The following MRPS28 variants were observed in gnomAD, a reference collection of about 807,000 sequenced individuals.
The protein encoded by MRPS28 is small ribosomal subunit protein bS1m.
A neutral mutation model predicts 10.8 loss-of-function variants in MRPS28; 7 were observed. The observed-to-expected ratio is 0.65, with a 90% CI of 0.37 to 1.22. MRPS28 has a LOEUF of 1.22. Ranked by LOEUF, MRPS28 falls within the 50% of genes most tolerant of loss-of-function variation. The probability of loss-of-function intolerance (pLI) is 0.02; values close to 1 mark genes in which losing one functional copy is unlikely to be tolerated. For synonymous variants in MRPS28, 121 were observed against 93.3 expected, an observed-to-expected ratio of 1.30 and a Z score of -1.71; for missense variants, 265 against 232.9, an observed-to-expected ratio of 1.14 and a Z score of -0.90.
chr8:79,968,281 G>A (rs1807548869), intron 2 of MRPS28, among the ~76,000 whole-genome samples: 1 of 151,982 alleles, frequency 6.6e-6, no homozygotes, highest in African/African-American at 2.4e-5. Flanking sequence ...TCACATCCCT[G>A]CTTATAAGTC....
At chr8:79,959,169 T>C (rs889200248) in intron 2 of MRPS28, among the ~76,000 whole-genome samples, 3 of 152,114 alleles carry the variant, frequency 2.0e-5, no homozygotes, top group Non-Finnish European at 4.4e-5. Context: ...TGACATTCTA[T>C]TGCTAACCGA....
chr8:79,981,545 T>C (rs1431084020), intron 2 of MRPS28, among the ~76,000 whole-genome samples: 1 of 152,118 alleles, frequency 6.6e-6, no homozygotes, highest in Non-Finnish European at 1.5e-5. Context: ...ATCATTCTAG[T>C]AAATAAAAAA....
intron 2 of MRPS28, among the ~76,000 whole-genome samples, chr8:79,927,744 CTT>C (rs1254515312): frequency 6.6e-6 from 1 of 152,150 alleles, no homozygotes; most frequent in East Asian, 1.9e-4. Context: ...GTCGTGATTT[CTT>C]TGTCTTTTCA....
Position 80,015,530 on chromosome 8 carries a change from C to T in MRPS28, c.214-12350G>A, listed in dbSNP as rs149680362. Among the ~76,000 whole-genome samples the T allele has an allele frequency of 1.2e-4, 19 of 152,314 alleles. No individual in the cohort carries two copies. The East Asian group carries it at 3.7e-3, about 29-fold the overall frequency. ...AGGCTCACTAGAAGACTGAGACCCA[C>T]TCATAAGACTATAGAACACTTTCCC... On this transcript the variant is annotated intron_variant, in intron 1 of 2. Transcript: ENST00000276585.
chr8:79,984,786 T>A (rs1045963731), intron 2 of MRPS28, among the ~76,000 whole-genome samples: 5 of 152,048 alleles, frequency 3.3e-5, no homozygotes, highest in Admixed American at 2.6e-4. Flanking sequence ...AAGTCCTGAG[T>A]GACCTACAAA....
intron 2 of MRPS28, among the ~76,000 whole-genome samples, chr8:79,968,304 G>A (rs1012110597): frequency 1.3e-5 from 2 of 151,918 alleles, no homozygotes; most frequent in Admixed American, 6.6e-5. Flanking sequence ...TAGTAAGTTC[G>A]TCACAGGCTA....
intron 2 of MRPS28, among the ~76,000 whole-genome samples, chr8:79,999,935 T>C (rs1458027227): frequency 6.6e-6 from 1 of 152,184 alleles, no homozygotes; most frequent in African/African-American, 2.4e-5. Flanking sequence ...AGGCCTTTTT[T>C]GACTACTGTT....
At chr8:79,987,695 A>G (rs1350569268) in intron 2 of MRPS28, among the ~76,000 whole-genome samples, 1 of 152,268 alleles carries the variant, frequency 6.6e-6, no homozygotes, top group African/African-American at 2.4e-5. Context: ...ATCACTGGCC[A>G]TCAGAGAAAT....
chr8:79,952,586 A>G (rs1053436982), intron 2 of MRPS28, among the ~76,000 whole-genome samples: 1 of 152,200 alleles, frequency 6.6e-6, no homozygotes, highest in African/African-American at 2.4e-5. Context: ...AATAGCAATC[A>G]TAGAAAGCAT....
intron 2 of MRPS28, among the ~76,000 whole-genome samples, chr8:79,973,720 G>A (rs965566798): frequency 6.6e-6 from 1 of 151,874 alleles, no homozygotes; most frequent in Non-Finnish European, 1.5e-5. Flanking sequence ...GGGTGTTTCT[G>A]CCACTCAGAG....
chr8:79,934,878 G>C (rs1453458260), intron 2 of MRPS28, among the ~76,000 whole-genome samples: 1 of 152,102 alleles, frequency 6.6e-6, no homozygotes, highest in East Asian at 1.9e-4. Flanking sequence ...TAAAAAAAAT[G>C]GTTCCATTTG....
chr8:79,963,063 G>A (rs1272519332), intron 2 of MRPS28, among the ~76,000 whole-genome samples: 3 of 152,102 alleles, frequency 2.0e-5, no homozygotes, highest in East Asian at 3.9e-4. Flanking sequence ...GGAAAATTAC[G>A]TTATGAGGGG....
At chr8:80,017,838 C>G (rs1047895002) in intron 1 of MRPS28, among the ~76,000 whole-genome samples, 6 of 152,118 alleles carry the variant, frequency 3.9e-5, no homozygotes, top group Non-Finnish European at 5.9e-5. Context: ...AAATCCTCAA[C>G]AGAATATTAG....
chr8:80,025,342 G>A (rs1021302998), intron 1 of MRPS28, among the ~76,000 whole-genome samples: 2 of 152,096 alleles, frequency 1.3e-5, no homozygotes, highest in East Asian at 1.9e-4. Context: ...TTGATACGGG[G>A]GTGAGGAAAC....
chr8:79,937,817 T>A (rs905347918), intron 2 of MRPS28, among the ~76,000 whole-genome samples: 4 of 152,182 alleles, frequency 2.6e-5, no homozygotes, highest in African/African-American at 9.7e-5. Flanking sequence ...AAAGCAGCTG[T>A]TAAATAAATG....
At chr8:79,993,734 T>C (rs923169024) in intron 2 of MRPS28, among the ~76,000 whole-genome samples, 1 of 152,198 alleles carries the variant, frequency 6.6e-6, no homozygotes, top group Non-Finnish European at 1.5e-5. Flanking sequence ...CATGCTTTTT[T>C]AATGTGTTCC....
intron 2 of MRPS28, among the ~76,000 whole-genome samples, chr8:79,987,411 C>A (rs1265751648): frequency 4.6e-5 from 7 of 152,058 alleles, no homozygotes; most frequent in Admixed American, 1.3e-4. Flanking sequence ...GCAACAAAAG[C>A]CAAAATTGAC....
chr8:79,934,188 C>T (rs1806544543), intron 2 of MRPS28, among the ~76,000 whole-genome samples: 1 of 152,138 alleles, frequency 6.6e-6, no homozygotes, highest in Non-Finnish European at 1.5e-5. Flanking sequence ...TTCAATTCCT[C>T]GTAACCAGGT....
At chr8:79,962,758 C>T (rs1293555097) in intron 2 of MRPS28, among the ~76,000 whole-genome samples, 3 of 152,028 alleles carry the variant, frequency 2.0e-5, no homozygotes, top group Non-Finnish European at 2.9e-5. Flanking sequence ...GGGATTTTCA[C>T]GGTTAGTTGG....
Sources: gnomAD v4.1 joint callset for allele counts (sites outside exome capture counted in the v4.1 genomes callset) on GRCh38, gnomAD v4.1.1 for gene constraint, MANE v1.5 for transcripts, NCBI Gene and HGNC (gene_info 2026-07-23, HGNC 2026-07-21) for gene names.